Variants in ARIH2 observed in about 807,000 individuals in gnomAD.
ARIH2 encodes ariadne RBR E3 ubiquitin protein ligase 2, also known as E3 ubiquitin-protein ligase ARIH2.
In ARIH2, 12 loss-of-function variants were observed where a neutral mutation model predicts 79.8. The ratio of observed to expected loss-of-function variants is 0.15; its 90% CI spans 0.10 to 0.24. The LOEUF is 0.24. ARIH2 is among the 10% of genes least tolerant of loss of function. The probability of loss-of-function intolerance (pLI) is 1.00; values close to 1 mark genes in which losing one functional copy is unlikely to be tolerated. For synonymous variants in ARIH2, 224 were observed against 213.9 expected (o/e 1.05, Z -0.41); for missense variants, 301 against 618.3 (o/e 0.49, Z 5.44).
chr3:48,979,606 C>G lies in ARIH2; in HGVS notation c.1086C>G (p.Leu362=). 3 of 1,614,182 alleles carry G rather than the reference C, an allele frequency of 1.9e-6. No homozygotes were observed. Among genetic ancestry groups the G allele is most frequent in the Non-Finnish European group, 2.5e-6 (3 of 1,180,040 alleles). ...QSQQAQAREA[L]KKYLFYFERW... ...AACAAGCCCAGGCGAGGGAAGCCCT[C>G]AAGAAGTACTTATTCTACTTTGAGA... Residue 362 remains leucine (L), a synonymous_variant, in exon 12 of 16, where the codon CTC becomes CTG. Transcript: ENST00000356401.
Position 48,931,859 on chromosome 3 carries a change from AT to A in ARIH2, c.255+4048del, listed in dbSNP as rs2086412017. Among the ~76,000 whole-genome samples, 7 of 152,146 alleles carry A rather than the reference AT, an allele frequency of 4.6e-5. No homozygotes were observed. The South Asian group carries it at 1.5e-3, about 32-fold the overall frequency. On this transcript the variant is annotated intron_variant, in intron 3 of 15. Coordinates refer to ENST00000356401, the MANE Select transcript of ARIH2 (RefSeq NM_006321.4). The stretch of plus-strand genomic sequence containing the variant: ...CCTGTCTTTACTAAAAATACAAAAA[AT>A]TAGCCAGGCGTGGTGGTGGGCACCT...
In ARIH2 at chr3:48,918,875, G is replaced by A; in HGVS notation, c.-285G>A. On this transcript the variant is annotated 5_prime_UTR_variant, in exon 1 of 16. Coordinates refer to ENST00000356401, the MANE Select transcript of ARIH2 (RefSeq NM_006321.4). ...GGGGACGACTCTTCTGGAGGAAGCA[G>A]CGCGGGCTTGACCGGCGTCGGCCCG... 1 of 1,609,280 alleles carries A rather than the reference G, an allele frequency of 6.2e-7. No individual in the cohort carries two copies. The highest frequency in any genetic ancestry group is 8.5e-7 in the Non-Finnish European group (1 of 1,179,376).
At chr3:48,965,786 C>T (rs1303039182) in intron 5 of ARIH2, among the ~76,000 whole-genome samples, 1 of 152,106 alleles carries the variant, frequency 6.6e-6, no homozygotes, top group African/African-American at 2.4e-5. Context: ...CATGGTGAAA[C>T]CCCATCTCTA....
chr3:48,974,776 TGG>T, intron 9 of ARIH2, 39 bp from the exon 10 acceptor site: 1 of 1,609,832 alleles, frequency 6.2e-7, no homozygotes, highest in Non-Finnish European at 8.5e-7. Context: ...AAAACCAACC[TGG>T]TGGTGTGTGA....
chr3:48,954,312 C>G (rs1029486055), intron 3 of ARIH2, among the ~76,000 whole-genome samples: 7 of 152,046 alleles, frequency 4.6e-5, no homozygotes, highest in African/African-American at 1.4e-4. Flanking sequence ...TGGTGGGCAC[C>G]TGTAGTCCCA....
intron 2 of ARIH2, among the ~76,000 whole-genome samples, chr3:48,926,513 A>G (rs1236050972): frequency 6.6e-6 from 1 of 151,038 alleles, no homozygotes; most frequent in Non-Finnish European, 1.5e-5. Context: ...CAGGTGACCC[A>G]CCCATCTCAG....
At chr3:48,921,674 TCCAC>T (rs2084846461) in intron 1 of ARIH2, 2 of 151,948 alleles carry the variant, frequency 1.3e-5, no homozygotes, top group Admixed American at 1.3e-4. Context: ...GCTGAAGCCG[TCCAC>T]CCACCTTGGC....
chr3:48,919,052 G>C, intron 1 of ARIH2, 54 bp downstream of exon 1: 7 of 1,327,042 alleles, frequency 5.3e-6, no homozygotes, highest in Non-Finnish European at 5.8e-6. Flanking sequence ...CCGCTGGGGG[G>C]GCCTCTCCGC....
chr3:48,936,970 G>C (rs1194898095), intron 3 of ARIH2, among the ~76,000 whole-genome samples: 1 of 151,970 alleles, frequency 6.6e-6, no homozygotes, highest in Non-Finnish European at 1.5e-5. Flanking sequence ...GGAGCTTGCG[G>C]TGAGCCAAGA....
intron 6 of ARIH2, 149 bp downstream of exon 6, chr3:48,967,424 A>G: frequency 1.2e-6 from 1 of 858,426 alleles, no homozygotes; most frequent in Non-Finnish European, 1.7e-6. Flanking sequence ...ATACATCCAT[A>G]CAAACAGTGA....
chr3:48,971,165 G>C (rs886850680), intron 8 of ARIH2, among the ~76,000 whole-genome samples: 1 of 152,260 alleles, frequency 6.6e-6, no homozygotes, highest in African/African-American at 2.4e-5. Flanking sequence ...AAAGTTTACC[G>C]AAGGCTTACC....
At chr3:48,976,389 T>G (rs1029353746) in intron 11 of ARIH2, among the ~76,000 whole-genome samples, 2 of 151,974 alleles carry the variant, frequency 1.3e-5, no homozygotes, top group South Asian at 4.2e-4. Context: ...TTTTATATTC[T>G]TAGTATAGAT....
chr3:48,961,752 T>G, intron 4 of ARIH2, 73 bp downstream of exon 4: 3 of 1,032,706 alleles, frequency 2.9e-6, no homozygotes, highest in Non-Finnish European at 1.5e-6. Context: ...GTTTACATTT[T>G]GGACCATATT....
intron 4 of ARIH2, among the ~76,000 whole-genome samples, chr3:48,962,231 A>G (rs1224285790): frequency 2.0e-5 from 3 of 151,976 alleles, no homozygotes; most frequent in Admixed American, 6.6e-5. Flanking sequence ...ATGAAAATCA[A>G]CCTGGCGTGG....
At chr3:48,959,649 C>CAAAAGAAAAAAAAAAAA (rs2091026722) in intron 3 of ARIH2, among the ~76,000 whole-genome samples, 1 of 50,118 alleles carries the variant, frequency 2.0e-5, no homozygotes, top group Non-Finnish European at 3.5e-5. Flanking sequence ...TAAAAAATAC[C>CAAAAGAAAAAAAAAAAA]AAAAAAAAAA....
At chr3:48,973,554 C>T (rs2092354623) in intron 8 of ARIH2, 145 bp from the exon 9 acceptor site, 7 of 544,642 alleles carry the variant, frequency 1.3e-5, no homozygotes, top group South Asian at 4.2e-5. Context: ...TCCAGCCTGG[C>T]GACAGAGCAA....
chr3:48,982,316 T>A (rs572704724), intron 14 of ARIH2, among the ~76,000 whole-genome samples: 2 of 152,252 alleles, frequency 1.3e-5, no homozygotes, highest in African/African-American at 2.4e-5. Flanking sequence ...ATAGCTGTTA[T>A]GATTTACCTG....
At position 48,965,115 on chromosome 3, in the gene ARIH2, G is replaced by A. The variant is rs2091646436; in HGVS notation, c.387+133G>A. 17 of 672,042 alleles carry A rather than the reference G, an allele frequency of 2.5e-5. No homozygotes were observed. In the East Asian group the frequency reaches 6.1e-4, roughly 24 times the overall value. 41.6% of individuals were successfully genotyped at this position (672,042 alleles called of 1,614,324 possible). On this transcript the variant is annotated intron_variant, in intron 5 of 15. Coordinates refer to ENST00000356401, the MANE Select transcript of ARIH2 (RefSeq NM_006321.4). The stretch of plus-strand genomic sequence containing the variant: ...CACGCCTGTAATCCCAGCACTTTGG[G>A]AGGCTGAGGCGGGTGGATTACGAGG...
chr3:48,956,669 CGTGTGT>C (rs10591265), intron 3 of ARIH2, among the ~76,000 whole-genome samples: 144,344 of 147,774 alleles, frequency 0.98, 70,508 homozygotes, highest in Middle Eastern at 1. Context: ...ATACAGCTGA[CGTGTGT>C]GTGTGTGTGT....
Sources: gnomAD v4.1 joint callset for allele counts (sites outside exome capture counted in the v4.1 genomes callset) on GRCh38, gnomAD v4.1.1 for gene constraint, MANE v1.5 for transcripts, NCBI Gene and HGNC (gene_info 2026-07-23, HGNC 2026-07-21) for gene names.